Variants in DOCK10 observed in about 807,000 individuals in gnomAD.
DOCK10 encodes the protein dedicator of cytokinesis protein 10.
Under a neutral mutation model 280.1 loss-of-function variants are expected in DOCK10, and 145 were observed. The ratio of observed to expected loss-of-function variants is 0.52; its 90% CI spans 0.45 to 0.59. The LOEUF is 0.59. DOCK10 is among the 20% of genes least tolerant of loss of function. DOCK10 has a pLI of 0.00. For synonymous variants in DOCK10, 915 were observed against 942.2 expected, an observed-to-expected ratio of 0.97 and a Z score of 0.53; for missense variants, 2,368 against 2,651.7, an observed-to-expected ratio of 0.89 and a Z score of 2.35.
intron 1 of DOCK10, among the ~76,000 whole-genome samples, chr2:224,936,360 C>T (rs1043207626): frequency 6.6e-6 from 1 of 152,086 alleles, no homozygotes; most frequent in South Asian, 2.1e-4. Context: ...AAAGAAAGGG[C>T]ACTCGCTACC....
At chr2:224,785,520 A>G (rs146176467) in intron 50 of DOCK10, among the ~76,000 whole-genome samples, 4,323 of 152,124 alleles carry the variant, frequency 0.028, 218 homozygotes, top group African/African-American at 0.095. Context: ...TCACTCTGTC[A>G]CCCAGTCTAG....
At chr2:224,941,859 A>G (rs893088512) in intron 1 of DOCK10, among the ~76,000 whole-genome samples, 5 of 147,548 alleles carry the variant, frequency 3.4e-5, no homozygotes, top group African/African-American at 1.2e-4. Flanking sequence ...AAAAAAAAAA[A>G]AGTTTATAGG....
intron 1 of DOCK10, among the ~76,000 whole-genome samples, chr2:225,025,409 T>A (rs1185512259): frequency 2.6e-5 from 4 of 152,264 alleles, no homozygotes; most frequent in Non-Finnish European, 4.4e-5. Flanking sequence ...CATATTTCCC[T>A]CAGCAAACTG....
chr2:224,770,285 G>T lies in DOCK10; in HGVS notation c.6370C>A (p.Leu2124Met), dbSNP rs1324083260. 2 of 1,606,600 alleles carry T rather than the reference G, an allele frequency of 1.2e-6. No individual in the cohort carries two copies. Among genetic ancestry groups the T allele is most frequent in the South Asian group, 2.2e-5 (2 of 89,428 alleles). The change falls in exon 55 of 56, where the codon CTG becomes ATG. Residue 2124 changes from leucine (L) to methionine (M), a missense_variant. This residue lies in a region of DOCK10 where 1,159 missense variants were observed against 1,400.8 expected (regional missense o/e 0.83). Transcript: ENST00000258390. This position sits in a 1 kb window ranked among gnomAD's most constrained non-coding sequence, Gnocchi z 4.5. ...GACCTCAGTTCTTCCTGGTACTCCA[G>T]CTGGTCCTCTTTGATGAGGCGCTCA... ...VNERLIKEDQ[L>M]EYQEELRSHY...
At chr2:225,023,931 G>T (rs1245124630) in intron 1 of DOCK10, among the ~76,000 whole-genome samples, 1 of 152,182 alleles carries the variant, frequency 6.6e-6, no homozygotes, top group Non-Finnish European at 1.5e-5. Context: ...TAACTTTACA[G>T]AGGAGCAATC....
In DOCK10 at chr2:224,804,226, TG is replaced by T; in HGVS notation, c.4167-14del. 1 of 1,564,064 alleles carries T rather than the reference TG, an allele frequency of 6.4e-7. No individual in the cohort carries two copies. Among genetic ancestry groups the T allele is most frequent in the African/African-American group, 1.4e-5 (1 of 73,704 alleles). ...AGCAGCAATTTTTCTGCAATGAAAATGGAAGTTTTAATCATAGCTCAGTGTT... is the reference window on the plus strand; with the variant it reads ...AGCAGCAATTTTTCTGCAATGAAAATGAAGTTTTAATCATAGCTCAGTGTT... On this transcript the variant is annotated splice_polypyrimidine_tract_variant and intron_variant, in intron 38 of 55. Transcript: ENST00000258390.
At chr2:224,937,865 A>G (rs879188345) in intron 1 of DOCK10, among the ~76,000 whole-genome samples, 2 of 152,218 alleles carry the variant, frequency 1.3e-5, no homozygotes, top group Admixed American at 1.3e-4. Flanking sequence ...TCAATGTTGC[A>G]GATACTTTGA....
chr2:225,004,194 A>G (rs1040101267), intron 1 of DOCK10, among the ~76,000 whole-genome samples: 1 of 152,254 alleles, frequency 6.6e-6, no homozygotes, highest in African/African-American at 2.4e-5. Flanking sequence ...GCCTTTCAAG[A>G]TGAAATCCTC....
intron 3 of DOCK10, among the ~76,000 whole-genome samples, chr2:224,906,670 A>C (rs143135672): frequency 2.0e-5 from 3 of 152,160 alleles, no homozygotes; most frequent in African/African-American, 4.8e-5. Flanking sequence ...TAGTAGAGAC[A>C]GGGTTTCACC....
At chr2:224,918,334 GGT>G (rs1050065332) in intron 2 of DOCK10, among the ~76,000 whole-genome samples, 65 of 140,278 alleles carry the variant, frequency 4.6e-4, no homozygotes, top group African/African-American at 1.4e-3. Context: ...GTGTGTGTGG[GGT>G]GTGTGTGTGT....
intron 51 of DOCK10, among the ~76,000 whole-genome samples, chr2:224,777,114 C>T (rs375045024): frequency 4.9e-4 from 75 of 152,268 alleles, no homozygotes; most frequent in African/African-American, 1.7e-3. Flanking sequence ...AACTGAACGA[C>T]AGTGTGTAAG....
intron 18 of DOCK10, among the ~76,000 whole-genome samples, chr2:224,852,035 C>T (rs13409362): frequency 0.013 from 1,914 of 152,250 alleles, 25 homozygotes; most frequent in African/African-American, 0.037. Context: ...CATACGAGGG[C>T]CGGCTGGGGT....
At chr2:224,964,277 G>A (rs1226499181) in intron 1 of DOCK10, among the ~76,000 whole-genome samples, 1 of 152,096 alleles carries the variant, frequency 6.6e-6, no homozygotes, top group Non-Finnish European at 1.5e-5. Context: ...AAACTTTAAT[G>A]TGTTGTTCAT....
At chr2:224,809,263 A>T (rs1693608484) in intron 31 of DOCK10, among the ~76,000 whole-genome samples, 1 of 152,186 alleles carries the variant, frequency 6.6e-6, no homozygotes, top group South Asian at 2.1e-4. Context: ...ATAGGGAGAA[A>T]GCTCTTTGAC....
intron 1 of DOCK10, among the ~76,000 whole-genome samples, chr2:225,034,621 G>T (rs1690173288): frequency 6.6e-6 from 1 of 152,076 alleles, no homozygotes; most frequent in Non-Finnish European, 1.5e-5. Flanking sequence ...CAACTAATGT[G>T]CACTAAGAAG....
chr2:224,867,075 TACACAC>T (rs61496329), intron 11 of DOCK10, among the ~76,000 whole-genome samples: 88 of 144,232 alleles, frequency 6.1e-4, no homozygotes, highest in African/African-American at 1.9e-3. Context: ...AGCTAAGAAA[TACACAC>T]ACACACACAC....
In DOCK10 at chr2:224,970,783, C is replaced by T. The variant is rs1338539364; in HGVS notation, c.124-39115G>A. Among the ~76,000 whole-genome samples the T allele has an allele frequency of 6.6e-6, 1 of 152,186 alleles. No individual in the cohort carries two copies. Among genetic ancestry groups the T allele is most frequent in the Non-Finnish European group, 1.5e-5 (1 of 68,036 alleles). On this transcript the variant is annotated intron_variant, in intron 1 of 55. Coordinates refer to ENST00000258390, the MANE Select transcript of DOCK10 (RefSeq NM_014689.3). The surrounding 1 kb of genome is among the most constrained non-coding windows in gnomAD (Gnocchi z 4.6). ...TAGTTTGGAGCAAGAATCCCTATGA[C>T]AGAATTGGCTTTCATCTCCAAATGG...
In DOCK10 at chr2:224,971,306, T is replaced by C. The variant is rs140709224; in HGVS notation, c.124-39638A>G. ...AAGGTGCAGTGGGAAGAGGGTGTGGTTGGGTTGCAAGAGGGGAGGGGAGGT... is the reference window on the plus strand; with the variant it reads ...AAGGTGCAGTGGGAAGAGGGTGTGGCTGGGTTGCAAGAGGGGAGGGGAGGT... On this transcript the variant is annotated intron_variant, in intron 1 of 55. Transcript: ENST00000258390. Among the ~76,000 whole-genome samples the C allele has an allele frequency of 2.6e-3, 399 of 151,252 alleles. 1 individual carries two copies. Among genetic ancestry groups the C allele is most frequent in the African/African-American group, 9.3e-3 (383 of 41,150 alleles).
intron 1 of DOCK10, among the ~76,000 whole-genome samples, chr2:224,998,303 C>G (rs1467519686): frequency 4.4e-5 from 2 of 45,516 alleles, no homozygotes; most frequent in Non-Finnish European, 8.1e-5. Context: ...GGATTAGCAG[C>G]TGCATAAAAA....
Sources: gnomAD v4.1 joint callset for allele counts (sites outside exome capture counted in the v4.1 genomes callset) on GRCh38, gnomAD v4.1.1 for gene constraint, gnomAD v4.1.1 regional missense constraint, Gnocchi (gnomAD v3.1) non-coding constraint, MANE v1.5 for transcripts, NCBI Gene and HGNC (gene_info 2026-07-23, HGNC 2026-07-21) for gene names.